GRIK1: variants seen among roughly 807,000 people sequenced by gnomAD.
GRIK1 encodes glutamate receptor ionotropic, kainate 1.
A neutral mutation model predicts 105.7 loss-of-function variants in GRIK1; 69 were observed. The ratio of observed to expected loss-of-function variants is 0.65; its 90% CI spans 0.54 to 0.80. The LOEUF is 0.80. Among genes scored for constraint, GRIK1 ranks in the 30% least tolerant of loss-of-function variants. The pLI, the probability that GRIK1 is intolerant of heterozygous loss-of-function variation, is 0.00. For synonymous variants in GRIK1, 438 were observed against 431.3 expected, an observed-to-expected ratio of 1.02 and a Z score of -0.19; for missense variants, 1,109 against 1,167.3, an observed-to-expected ratio of 0.95 and a Z score of 0.73.
intron 1 of GRIK1, among the ~76,000 whole-genome samples, chr21:29,855,056 C>G (rs1375815973): frequency 6.6e-6 from 1 of 152,166 alleles, no homozygotes; most frequent in Non-Finnish European, 1.5e-5. Flanking sequence ...CTGTTGAGGG[C>G]ACTTTGGGCC....
intron 15 of GRIK1, among the ~76,000 whole-genome samples, chr21:29,555,766 G>A (rs2090237351): frequency 6.6e-6 from 1 of 152,184 alleles, no homozygotes. Context: ...CAGTCTATTT[G>A]TGGCAATAAG....
chr21:29,580,359 T>C (rs995934438), intron 13 of GRIK1, among the ~76,000 whole-genome samples: 3 of 152,016 alleles, frequency 2.0e-5, no homozygotes, highest in Non-Finnish European at 4.4e-5. Context: ...AAATTACTTC[T>C]AGTAAATCAG....
intron 1 of GRIK1, among the ~76,000 whole-genome samples, chr21:29,936,815 C>G (rs1422026768): frequency 6.6e-6 from 1 of 152,212 alleles, no homozygotes; most frequent in Non-Finnish European, 1.5e-5. Flanking sequence ...GACACTTTGA[C>G]AAGAAAAGTA....
At chr21:29,787,662 G>C (rs1040794248) in intron 1 of GRIK1, among the ~76,000 whole-genome samples, 2 of 152,120 alleles carry the variant, frequency 1.3e-5, no homozygotes, top group East Asian at 1.9e-4. Context: ...ATTTTCCAAC[G>C]AACAGTATTT....
intron 1 of GRIK1, among the ~76,000 whole-genome samples, chr21:29,761,963 G>A (rs1009489894): frequency 6.6e-6 from 1 of 152,150 alleles, no homozygotes; most frequent in African/African-American, 2.4e-5. Context: ...GGCCAGGCTG[G>A]TCTTGAACTC....
intron 13 of GRIK1, among the ~76,000 whole-genome samples, chr21:29,580,051 ATG>A (rs1222647782): frequency 2.7e-5 from 4 of 146,172 alleles, no homozygotes. Context: ...ATATGTATAT[ATG>A]TATATATATA....
intron 10 of GRIK1, among the ~76,000 whole-genome samples, 171 bp downstream of exon 10, chr21:29,590,941 G>C (rs144492111): frequency 2.6e-5 from 4 of 152,264 alleles, no homozygotes; most frequent in South Asian, 2.1e-4. Flanking sequence ...CGTTGGAAGC[G>C]TCTAATTCAA....
chr21:29,805,511 A>T (rs1205950221), intron 1 of GRIK1, among the ~76,000 whole-genome samples: 1 of 152,158 alleles, frequency 6.6e-6, no homozygotes, highest in Non-Finnish European at 1.5e-5. Context: ...CTGCCTTTTA[A>T]ATTTTGAAGA....
chr21:29,581,747 C>T (rs533910006), intron 12 of GRIK1, among the ~76,000 whole-genome samples: 2 of 152,260 alleles, frequency 1.3e-5, no homozygotes, highest in East Asian at 3.9e-4. Context: ...TACCAGACTT[C>T]TTATTTATAG....
chr21:29,763,210 T>C (rs1005132984), intron 1 of GRIK1, among the ~76,000 whole-genome samples: 2 of 152,138 alleles, frequency 1.3e-5, no homozygotes, highest in Admixed American at 6.5e-5. Flanking sequence ...CAAGATCTGA[T>C]GGTTTTATAA....
At chr21:29,770,250 G>T (rs995745764) in intron 1 of GRIK1, among the ~76,000 whole-genome samples, 4 of 152,190 alleles carry the variant, frequency 2.6e-5, no homozygotes, top group South Asian at 2.1e-4. Flanking sequence ...GTCACCCATC[G>T]TGCTCAGCTT....
intron 1 of GRIK1, among the ~76,000 whole-genome samples, chr21:29,817,586 A>G (rs1036699022): frequency 3.3e-5 from 5 of 152,014 alleles, no homozygotes; most frequent in African/African-American, 1.2e-4. Context: ...TCATCTTGGT[A>G]TTGCCCCTTT....
chr21:29,807,633 TA>T (rs151075817), intron 1 of GRIK1, among the ~76,000 whole-genome samples: 1 of 151,986 alleles, frequency 6.6e-6, no homozygotes, highest in Non-Finnish European at 1.5e-5. Flanking sequence ...TCTATAATTA[TA>T]AAAAAACATA....
chr21:29,849,845 CAG>C (rs1248546922), intron 1 of GRIK1, among the ~76,000 whole-genome samples: 3 of 152,164 alleles, frequency 2.0e-5, no homozygotes, highest in African/African-American at 4.8e-5. Flanking sequence ...CATAAAGATG[CAG>C]AGTGTAGAGC....
At chr21:29,710,762 T>C (rs2064025727) in intron 1 of GRIK1, among the ~76,000 whole-genome samples, 1 of 127,938 alleles carries the variant, frequency 7.8e-6, no homozygotes, top group African/African-American at 3.0e-5. Flanking sequence ...TTTCCCTCCC[T>C]CCGTCCGTCC....
chr21:29,697,042 T>C (rs2063717439), intron 1 of GRIK1, among the ~76,000 whole-genome samples: 1 of 152,246 alleles, frequency 6.6e-6, no homozygotes, highest in Non-Finnish European at 1.5e-5. Flanking sequence ...GATTACACAT[T>C]ACATCCTGCT....
chr21:29,775,928 A>G (rs764603585), intron 1 of GRIK1, among the ~76,000 whole-genome samples: 11 of 152,210 alleles, frequency 7.2e-5, no homozygotes, highest in Non-Finnish European at 1.5e-4. Flanking sequence ...TGGGTAATTT[A>G]TAAAGGAAAG....
At chr21:29,682,676 A>G (rs2146683191) in intron 3 of GRIK1, among the ~76,000 whole-genome samples, 1 of 152,378 alleles carries the variant, frequency 6.6e-6, no homozygotes, top group East Asian at 1.9e-4. Context: ...AACTACAAAA[A>G]TTTTGGAAGA....
At chr21:29,601,988 C>A (rs568649242) in intron 7 of GRIK1, among the ~76,000 whole-genome samples, 6 of 152,010 alleles carry the variant, frequency 3.9e-5, no homozygotes, top group African/African-American at 7.2e-5. Context: ...CTCTTTTAAC[C>A]CATAATTTCT....
Sources: allele counts gnomAD v4.1 joint callset (sites outside exome capture counted in the v4.1 genomes callset), GRCh38; gene constraint gnomAD v4.1.1; transcripts MANE v1.5; gene names NCBI Gene and HGNC (gene_info 2026-07-23, HGNC 2026-07-21).